ADGRD1: variants seen among roughly 807,000 people sequenced by gnomAD.
ADGRD1 encodes G-protein coupled receptor 133.
Under a neutral mutation model 113.4 loss-of-function variants are expected in ADGRD1, and 77 were observed. That is an observed-to-expected ratio of 0.68 (90% CI 0.57 to 0.82). ADGRD1 has a LOEUF of 0.82. ADGRD1 is among the 40% of genes least tolerant of loss of function. The probability of loss-of-function intolerance (pLI) is 0.00; values close to 1 mark genes in which losing one functional copy is unlikely to be tolerated. For synonymous variants in ADGRD1, 474 were observed against 475.0 expected (o/e 1.00, Z 0.03); for missense variants, 1,036 against 1,139.1 (o/e 0.91, Z 1.30).
intron 20 of ADGRD1, among the ~76,000 whole-genome samples, chr12:131,129,930 G>A (rs975865720): frequency 6.6e-6 from 1 of 152,244 alleles, no homozygotes; most frequent in African/African-American, 2.4e-5. Flanking sequence ...CCGAGGGCAT[G>A]GGCCGCACTC....
intron 4 of ADGRD1, chr12:130,973,198 A>G (rs1871896618): frequency 6.6e-6 from 1 of 152,128 alleles, no homozygotes; most frequent in Non-Finnish European, 1.5e-5. Context: ...CGACTCTTCA[A>G]TAATCTTCAG....
intron 13 of ADGRD1, among the ~76,000 whole-genome samples, chr12:131,044,374 G>A (rs950306106): frequency 1.3e-5 from 2 of 152,172 alleles, no homozygotes; most frequent in African/African-American, 4.8e-5. Flanking sequence ...CCAGGAACCC[G>A]TCCACCCACG....
chr12:130,975,134 G>T (rs1231737169), intron 4 of ADGRD1, among the ~76,000 whole-genome samples: 1 of 152,120 alleles, frequency 6.6e-6, no homozygotes, highest in African/African-American at 2.4e-5. Context: ...AATAGGAAGG[G>T]GCACTTGCTG....
At chr12:131,063,083 TTG>T (rs1431215165) in intron 13 of ADGRD1, among the ~76,000 whole-genome samples, 2 of 152,194 alleles carry the variant, frequency 1.3e-5, no homozygotes, top group Non-Finnish European at 2.9e-5. Flanking sequence ...TGGATTCTTT[TTG>T]TGTTTTATCA....
At chr12:131,100,266 G>T (rs1950039521) in intron 15 of ADGRD1, among the ~76,000 whole-genome samples, 1 of 152,094 alleles carries the variant, frequency 6.6e-6, no homozygotes, top group African/African-American at 2.4e-5. Context: ...GGTAAGGTTG[G>T]TTGATGGTGG....
At chr12:131,097,239 C>T (rs1000541816) in intron 15 of ADGRD1, among the ~76,000 whole-genome samples, 1 of 152,168 alleles carries the variant, frequency 6.6e-6, no homozygotes, top group Non-Finnish European at 1.5e-5. Context: ...ACAGCAGGAG[C>T]CCCCAGGGTT....
At chr12:131,002,966 G>A in intron 9 of ADGRD1, 1 of 722,038 alleles carries the variant, frequency 1.4e-6, no homozygotes, top group Non-Finnish European at 2.3e-6. Flanking sequence ...TGGCTGGGGT[G>A]ATGGGTCCAC....
chr12:130,977,476 G>A (rs1872462084), intron 4 of ADGRD1: 1 of 152,280 alleles, frequency 6.6e-6, no homozygotes. Context: ...CCGGGAAACG[G>A]GCTCTGAGTC....
chr12:131,101,373 C>CTTTTTT (rs796951608), intron 15 of ADGRD1, among the ~76,000 whole-genome samples: 8 of 79,346 alleles, frequency 1.0e-4, no homozygotes, highest in African/African-American at 1.6e-4. Context: ...CTTTTTCTTT[C>CTTTTTT]TTTCTTTTTT....
chr12:131,067,337 C>T (rs567947300), intron 13 of ADGRD1, among the ~76,000 whole-genome samples: 40 of 152,058 alleles, frequency 2.6e-4, no homozygotes, highest in Non-Finnish European at 4.9e-4. Flanking sequence ...GTTGCCACCC[C>T]GAGCAAAAAA....
chr12:130,998,446 T>G (rs1293014472), intron 8 of ADGRD1, among the ~76,000 whole-genome samples: 2 of 152,156 alleles, frequency 1.3e-5, no homozygotes, highest in East Asian at 1.9e-4. Flanking sequence ...GTTAGTTTCT[T>G]TCTTTTTTCT....
chr12:131,091,526 G>T (rs1203133035), intron 15 of ADGRD1, among the ~76,000 whole-genome samples: 1 of 152,232 alleles, frequency 6.6e-6, no homozygotes, highest in Admixed American at 6.5e-5. Context: ...AGGTAACATT[G>T]TGTGAAAAGG....
rs966712104 is a variant in ADGRD1 at position 131,139,113 on chromosome 12, A to G, written c.2530-55A>G. ...AATGCTCCCCGCACTCACTGGGCTTATGGCTCTCCCCCTGGGAGCAGGCCC... is the reference window on the plus strand; with the variant it reads ...AATGCTCCCCGCACTCACTGGGCTTGTGGCTCTCCCCCTGGGAGCAGGCCC... On this transcript the variant is annotated intron_variant, in intron 24 of 24. Transcript: ENST00000261654. The G allele has an allele frequency of 5.0e-6, 7 of 1,404,970 alleles. No individual in the cohort carries two copies. In the African/African-American group the frequency reaches 8.5e-5, roughly 17 times the overall value. 87.0% of individuals were successfully genotyped at this position (1,404,970 alleles called of 1,614,324 possible).
At chr12:131,007,326 G>C (rs2136763343) in intron 12 of ADGRD1, among the ~76,000 whole-genome samples, 1 of 152,350 alleles carries the variant, frequency 6.6e-6, no homozygotes, top group African/African-American at 2.4e-5. Flanking sequence ...ACACTACGTG[G>C]GGAAATGGGG....
chr12:131,066,833 G>A (rs191030742), intron 13 of ADGRD1, among the ~76,000 whole-genome samples: 6 of 152,318 alleles, frequency 3.9e-5, no homozygotes, highest in East Asian at 1.9e-4. Context: ...TCTGAGGAGC[G>A]GCCAGGAGGC....
rs186705295 is a variant in ADGRD1 at position 131,136,948 on chromosome 12, C to T, written c.2395-25C>T. On this transcript the variant is annotated intron_variant, in intron 22 of 24. Coordinates refer to ENST00000261654, the MANE Select transcript of ADGRD1 (RefSeq NM_198827.5). ...AACTACGTGCAAAGGGCTCTAATCT[C>T]TGCGTTTCTTCCCTTTCTTCCCAGG... 8 of 1,593,448 alleles carry T rather than the reference C, an allele frequency of 5.0e-6. No individual in the cohort carries two copies. In the African/African-American group the frequency reaches 9.4e-5, roughly 19 times the overall value.
At chr12:131,045,286 C>G (rs1271497751) in intron 13 of ADGRD1, among the ~76,000 whole-genome samples, 1 of 152,258 alleles carries the variant, frequency 6.6e-6, no homozygotes, top group Non-Finnish European at 1.5e-5. Context: ...AGCACTGCTT[C>G]ATGTGGACGC....
In ADGRD1 at chr12:131,138,138, T is replaced by G. The variant is rs1951143613; in HGVS notation, c.2438T>G (p.Val813Gly). The G allele has an allele frequency of 6.2e-7, 1 of 1,613,248 alleles. No homozygotes were observed. Among genetic ancestry groups the G allele is most frequent in the Non-Finnish European group, 8.5e-7 (1 of 1,179,804 alleles). Reference protein sequence around the residue: ...FLFHCLLNSEVRAAFKHKTKV... With the variant: ...FLFHCLLNSEGRAAFKHKTKV... ...CACGATCCCTTCCCCGCTTTCAAGG[T>G]GAGAGCCGCCTTCAAGCACAAAACC... Residue 813 changes from valine (V) to glycine (G), a missense_variant and splice_region_variant, in exon 24 of 25, where the codon GTG (valine) becomes GGG (glycine). By Grantham distance (109) the Val-to-Gly change is moderately radical. Transcript: ENST00000261654.
rs1194311321 is a variant in ADGRD1 at position 130,997,349 on chromosome 12, C to T, written c.967-3034C>T. On this transcript the variant is annotated intron_variant, in intron 8 of 24. Transcript: ENST00000261654. ...GGACGGGGTGGCTGCCGGGCGGAGA[C>T]GCTCCTCACTTCCCAGACGGGGTGG... Among the ~76,000 whole-genome samples, 51 of 149,912 alleles carry T rather than the reference C, an allele frequency of 3.4e-4. 1 individual carries two copies. The highest frequency in any genetic ancestry group is 1.1e-3 in the African/African-American group (43 of 40,608).
Sources: allele counts gnomAD v4.1 joint callset (sites outside exome capture counted in the v4.1 genomes callset), GRCh38; gene constraint gnomAD v4.1.1; transcripts MANE v1.5; gene names NCBI Gene and HGNC (gene_info 2026-07-23, HGNC 2026-07-21).